LSAMP: variants seen among roughly 807,000 people sequenced by gnomAD.
LSAMP encodes limbic system associated membrane protein, also known as limbic system-associated membrane protein.
A neutral mutation model predicts 38.6 loss-of-function variants in LSAMP; 7 were observed. That is an observed-to-expected ratio of 0.18 (90% confidence interval 0.10 to 0.34). The LOEUF (loss-of-function observed/expected upper bound fraction) is 0.34. Ranked by LOEUF, LSAMP falls within the 10% of genes least tolerant of loss-of-function variation. The probability of loss-of-function intolerance (pLI) is 1.00; values close to 1 mark genes in which losing one functional copy is unlikely to be tolerated. For synonymous variants in LSAMP, 154 were observed against 166.8 expected (o/e 0.92, Z 0.59); for missense variants, 313 against 420.0 (o/e 0.75, Z 2.23).
chr3:116,035,259 T>C (rs4831224), intron 2 of LSAMP, among the ~76,000 whole-genome samples: 147,958 of 152,242 alleles, frequency 0.97, 72,049 homozygotes, highest in Non-Finnish European at 1. Context: ...TATATGCTAC[T>C]GCTATTTGTG....
At chr3:116,133,941 A>C (rs1011823982) in intron 1 of LSAMP, among the ~76,000 whole-genome samples, 4 of 152,132 alleles carry the variant, frequency 2.6e-5, no homozygotes, top group African/African-American at 7.2e-5. Context: ...AGGTGGCATG[A>C]CCCACATTAG....
At chr3:116,284,256 T>C (rs778099159) in intron 1 of LSAMP, among the ~76,000 whole-genome samples, 3 of 152,186 alleles carry the variant, frequency 2.0e-5, no homozygotes, top group Admixed American at 1.3e-4. Flanking sequence ...TTCCCTCTTG[T>C]AGGGCAATTT....
At chr3:116,252,028 CA>C (rs1321328513) in intron 1 of LSAMP, among the ~76,000 whole-genome samples, 4 of 152,160 alleles carry the variant, frequency 2.6e-5, no homozygotes, top group Non-Finnish European at 5.9e-5. Context: ...ACAAGACAGA[CA>C]AAAAGCCAGT....
chr3:116,283,622 T>C (rs2047157359), intron 1 of LSAMP, among the ~76,000 whole-genome samples: 1 of 152,094 alleles, frequency 6.6e-6, no homozygotes, highest in South Asian at 2.1e-4. Flanking sequence ...AAGAGAATAA[T>C]CCCAGTGAAT....
chr3:116,099,530 C>A (rs1295030308), intron 1 of LSAMP, among the ~76,000 whole-genome samples: 1 of 152,154 alleles, frequency 6.6e-6, no homozygotes, highest in African/African-American at 2.4e-5. Flanking sequence ...ACCTGACTAC[C>A]AGCAGGAATT....
intron 6 of LSAMP, among the ~76,000 whole-genome samples, chr3:115,835,071 A>G (rs1200434680): frequency 6.6e-6 from 1 of 152,188 alleles, no homozygotes; most frequent in Non-Finnish European, 1.5e-5. Context: ...AGCATTTGAA[A>G]AATTTACTGT....
intron 1 of LSAMP, among the ~76,000 whole-genome samples, chr3:116,147,018 G>A (rs990088298): frequency 1.8e-4 from 28 of 151,778 alleles, no homozygotes; most frequent in Non-Finnish European, 4.1e-4. Context: ...GGTTAAGAAG[G>A]GTCAAGTTGG....
In LSAMP at chr3:116,296,694, C is replaced by CAAAAAAA. The variant is rs10659032; in HGVS notation, c.155+148176_155+148182dup. Among the ~76,000 whole-genome samples the CAAAAAAA allele has an allele frequency of 9.2e-4, 55 of 59,734 alleles. 1 individual carries two copies. Among genetic ancestry groups the CAAAAAAA allele is most frequent in the African/African-American group, 3.5e-3 (53 of 15,194 alleles). 39.2% of individuals were successfully genotyped at this position (59,734 alleles called of 152,430 possible). A position where few individuals can be genotyped will look rare whatever the true frequency, so the allele number is the denominator to read the frequency against. On this transcript the variant is annotated intron_variant, in intron 1 of 6. Coordinates refer to ENST00000490035, the MANE Select transcript of LSAMP (RefSeq NM_002338.5). ...TGGGCGACAGAGCGTGACTCTGTCT[C>CAAAAAAA]AAAAAAAAAAAAAAAAAAAAAAAAA...
intron 2 of LSAMP, among the ~76,000 whole-genome samples, chr3:116,075,062 T>C (rs972068343): frequency 6.6e-6 from 1 of 151,726 alleles, no homozygotes; most frequent in Non-Finnish European, 1.5e-5. Flanking sequence ...GGTCTTGAAA[T>C]CCCGACCTCT....
At chr3:116,112,011 C>T (rs1478943042) in intron 1 of LSAMP, among the ~76,000 whole-genome samples, 2 of 152,214 alleles carry the variant, frequency 1.3e-5, no homozygotes, top group African/African-American at 4.8e-5. Context: ...CCTTCTCCAG[C>T]ATGTAAAGAT....
At chr3:116,132,894 A>G (rs145071717) in intron 1 of LSAMP, among the ~76,000 whole-genome samples, 4 of 152,286 alleles carry the variant, frequency 2.6e-5, no homozygotes, top group Admixed American at 6.5e-5. Flanking sequence ...CTCCCTATCA[A>G]TCTAGTCCCT....
intron 2 of LSAMP, among the ~76,000 whole-genome samples, chr3:116,043,877 C>T (rs1306872805): frequency 1.3e-5 from 2 of 152,206 alleles, no homozygotes; most frequent in African/African-American, 2.4e-5. Flanking sequence ...ACCGGTCAGG[C>T]GGAGCTTGCA....
intron 1 of LSAMP, among the ~76,000 whole-genome samples, chr3:116,345,385 A>G (rs1187074791): frequency 6.6e-6 from 1 of 152,166 alleles, no homozygotes; most frequent in Non-Finnish European, 1.5e-5. Context: ...CCCTCAGAGC[A>G]GGGGTCATCT....
intron 1 of LSAMP, among the ~76,000 whole-genome samples, chr3:116,138,504 T>C (rs762948426): frequency 4.1e-4 from 63 of 152,036 alleles, no homozygotes; most frequent in Non-Finnish European, 6.9e-4. Flanking sequence ...TTCTAAAAGA[T>C]ACAACTTTTC....
chr3:116,304,795 T>C (rs976310510), intron 1 of LSAMP, among the ~76,000 whole-genome samples: 8 of 152,042 alleles, frequency 5.3e-5, no homozygotes, highest in African/African-American at 1.9e-4. Context: ...TCACAGTGAA[T>C]ACACATGTGA....
chr3:116,223,637 TAC>T (rs1173386053), intron 1 of LSAMP, among the ~76,000 whole-genome samples: 4 of 152,200 alleles, frequency 2.6e-5, no homozygotes, highest in African/African-American at 9.7e-5. Context: ...ATGTGAAACT[TAC>T]AGTTTTTATT....
intron 1 of LSAMP, among the ~76,000 whole-genome samples, chr3:116,125,944 CTG>C (rs1405172268): frequency 6.6e-6 from 1 of 152,196 alleles, no homozygotes; most frequent in Non-Finnish European, 1.5e-5. Flanking sequence ...AGATATATCA[CTG>C]TGGAAAAAGA....
intron 2 of LSAMP, among the ~76,000 whole-genome samples, chr3:116,051,769 CTT>C (rs1941400868): frequency 6.6e-6 from 1 of 151,978 alleles, no homozygotes; most frequent in African/African-American, 2.4e-5. Flanking sequence ...GAGGGCCTCT[CTT>C]GTCATGGCTA....
At chr3:115,959,253 C>T (rs996407288) in intron 3 of LSAMP, among the ~76,000 whole-genome samples, 4 of 151,970 alleles carry the variant, frequency 2.6e-5, no homozygotes, top group East Asian at 1.9e-4. Context: ...ACAGCAGTAT[C>T]AGGTTTGTAA....
Sources: allele counts gnomAD v4.1 joint callset (sites outside exome capture counted in the v4.1 genomes callset), GRCh38; gene constraint gnomAD v4.1.1; transcripts MANE v1.5; gene names NCBI Gene and HGNC (gene_info 2026-07-23, HGNC 2026-07-21).